Variants in CP observed in about 807,000 individuals in gnomAD.
CP encodes ceruloplasmin.
Under a neutral mutation model 122.4 loss-of-function variants are expected in CP, and 64 were observed. That is an observed-to-expected ratio of 0.52 (90% CI 0.43 to 0.64). The LOEUF (loss-of-function observed/expected upper bound fraction) is 0.64. Among genes scored for constraint, CP ranks in the 30% least tolerant of loss-of-function variants. The pLI is 0.00. For synonymous variants in CP, 440 were observed against 436.4 expected (o/e 1.01, Z -0.10); for missense variants, 1,167 against 1,284.4 (o/e 0.91, Z 1.40).
rs908931089 is a variant in CP, at chr3:149,185,288, A to C, written c.2236T>G (p.Ser746Ala). The change falls in exon 12 of 19, where the codon TCC becomes GCC. Residue 746 changes from serine to alanine, a missense_variant. This residue lies in a region of CP where 525 missense variants were observed against 657.2 expected (regional missense o/e 0.80). Coordinates refer to ENST00000264613, the MANE Select transcript of CP (RefSeq NM_000096.4). ...IAAVEVEWDYSPQREWEKELH... is the reference protein window; with the variant it reads ...IAAVEVEWDYAPQREWEKELH... ...TCCTTTTCCCACTCCCTTTGTGGGG[A>C]ATAATCCCATTCCACCTCCACTGCT... The C allele has an allele frequency of 1.1e-5, 18 of 1,613,676 alleles. No individual in the cohort carries two copies. The highest frequency in any genetic ancestry group is 1.4e-5 in the Non-Finnish European group (17 of 1,179,990).
At chr3:149,202,403 A>T (rs1159396006) in intron 6 of CP, among the ~76,000 whole-genome samples, 162 bp from the exon 7 acceptor site, 1 of 152,212 alleles carries the variant, frequency 6.6e-6, no homozygotes, top group African/African-American at 2.4e-5. Context: ...CAAAGCAGAC[A>T]GTTCCAGTCC....
chr3:149,182,340 G>A (rs1481463150), intron 13 of CP, among the ~76,000 whole-genome samples: 13 of 152,204 alleles, frequency 8.5e-5, no homozygotes, highest in Non-Finnish European at 1.6e-4. Flanking sequence ...TTCTAGGGGA[G>A]GTTTGGCCTG....
At chr3:149,190,588 G>A (rs1353727238) in intron 9 of CP, among the ~76,000 whole-genome samples, 3 of 151,190 alleles carry the variant, frequency 2.0e-5, no homozygotes, top group Non-Finnish European at 4.4e-5. Context: ...AACCCAGCAG[G>A]TGGAGGTTGC....
intron 13 of CP, among the ~76,000 whole-genome samples, chr3:149,182,995 A>G (rs751269876): frequency 7.2e-5 from 11 of 152,066 alleles, no homozygotes; most frequent in Non-Finnish European, 1.3e-4. Context: ...TACTAAAAAT[A>G]CAAAAATTAG....
At chr3:149,166,486 C>T (rs774115042) in intron 4 of CP, among the ~76,000 whole-genome samples, 11 of 152,238 alleles carry the variant, frequency 7.2e-5, no homozygotes, top group Non-Finnish European at 1.5e-4. Flanking sequence ...TAAAACTGAT[C>T]ATGTTCAGAA....
At chr3:149,198,654 T>G (rs1213522679) in intron 8 of CP, 76 bp from the exon 9 acceptor site, 1 of 1,284,960 alleles carries the variant, frequency 7.8e-7, no homozygotes, top group African/African-American at 1.5e-5. Context: ...TAGACTAAGT[T>G]TAGTCTAGAA....
intron 9 of CP, among the ~76,000 whole-genome samples, chr3:149,190,753 C>G (rs1051057060): frequency 7.9e-5 from 12 of 151,428 alleles, no homozygotes; most frequent in African/African-American, 2.9e-4. Context: ...CAGTTTCTTT[C>G]AACTCTCTAG....
At chr3:149,218,286 G>A (rs1187266071) in intron 1 of CP, among the ~76,000 whole-genome samples, 2 of 152,026 alleles carry the variant, frequency 1.3e-5, no homozygotes, top group Admixed American at 1.3e-4. Context: ...GTTTTTATAT[G>A]TATGTCATTT....
At chr3:149,196,076 C>T (rs755373208) in intron 9 of CP, among the ~76,000 whole-genome samples, 8 of 152,154 alleles carry the variant, frequency 5.3e-5, no homozygotes, top group Non-Finnish European at 1.0e-4. Context: ...CTAAAAATCT[C>T]TAGTGGGATC....
intron 9 of CP, among the ~76,000 whole-genome samples, chr3:149,195,805 G>A (rs1726861817): frequency 6.6e-6 from 1 of 151,168 alleles, no homozygotes; most frequent in Non-Finnish European, 1.5e-5. Flanking sequence ...GGTGGGGCTT[G>A]CAGTGAGCTG....
At chr3:149,218,164 T>A (rs1310306468) in intron 1 of CP, among the ~76,000 whole-genome samples, 1 of 152,166 alleles carries the variant, frequency 6.6e-6, no homozygotes, top group Non-Finnish European at 1.5e-5. Flanking sequence ...AAAAAAGTAA[T>A]CTGAAGATAA....
In CP at chr3:149,221,680, T is replaced by G. The variant is rs1444383439; in HGVS notation, c.113A>C (p.Asp38Ala). Residue 38 changes from aspartate to alanine, a missense_variant, in exon 1 of 19, where the codon GAC (aspartate) becomes GCC (alanine). Physicochemically the swap from Asp to Ala is moderately radical, Grantham distance 126. Around this residue, in one of 2 missense-constraint regions of CP, gnomAD observed 642 missense variants for 627.3 expected, o/e 1.02. Coordinates refer to ENST00000264613, the MANE Select transcript of CP (RefSeq NM_000096.4). The stretch of plus-strand genomic sequence containing the variant: ...AGAAATAAGTTTCTTTTCCCCATGG[T>G]CAGAGGCATAATCCCAAGTCGTTTC... Reference protein sequence around the residue: ...IIETTWDYASDHGEKKLISVD... With the variant: ...IIETTWDYASAHGEKKLISVD... The G allele has an allele frequency of 6.2e-7, 1 of 1,613,202 alleles. No homozygotes were observed. Among genetic ancestry groups the G allele is most frequent in the Non-Finnish European group, 8.5e-7 (1 of 1,179,720 alleles).
intron 17 of CP, 52 bp from the exon 18 acceptor site, chr3:149,176,464 T>G (rs939518588): frequency 1.5e-6 from 2 of 1,377,404 alleles, no homozygotes; most frequent in Non-Finnish European, 2.1e-6. Context: ...GAGAGTTCAC[T>G]CATGTCATTT....
intron 9 of CP, among the ~76,000 whole-genome samples, chr3:149,197,970 G>C (rs1219906661): frequency 2.0e-5 from 3 of 152,154 alleles, no homozygotes; most frequent in East Asian, 3.8e-4. Context: ...TGTGTTAAAT[G>C]ATACCATACG....
Position 149,204,619 on chromosome 3 carries a change from TC to T in CP, c.1208+1548del, listed in dbSNP as rs532738847. Among the ~76,000 whole-genome samples the T allele has an allele frequency of 3.3e-5, 5 of 152,334 alleles. No homozygotes were observed. The East Asian group carries it at 9.6e-4, about 29-fold the overall frequency. On this transcript the variant is annotated intron_variant, in intron 6 of 18. Coordinates refer to ENST00000264613, the MANE Select transcript of CP (RefSeq NM_000096.4). ...GAGTCACAGGTCTGGGCTGAGCAAG[TC>T]CTAGCTATCCATTTATTGTGTGATG...
At chr3:149,168,100 A>G (rs2108187870), downstream of CP, 1 of 686,632 alleles carries the variant, frequency 1.5e-6, no homozygotes, top group East Asian at 2.7e-5. Context: ...TTTCAGAACC[A>G]TCTGGGGAGC....
At chr3:149,192,975 C>T (rs1726640225) in intron 9 of CP, among the ~76,000 whole-genome samples, 2 of 73,164 alleles carry the variant, frequency 2.7e-5, no homozygotes, top group South Asian at 1.0e-3. Flanking sequence ...ATGTTGTGAT[C>T]CTGTATACAC....
chr3:149,179,646 G>A lies in CP; in HGVS notation c.2571C>T (p.Tyr857=), dbSNP rs151304828. 2.9e-3 allele frequency: 4,625 copies of A among 1,603,502 alleles called. 11 individuals carry two copies. Among genetic ancestry groups the A allele is most frequent in the Non-Finnish European group, 3.6e-3 (4,260 of 1,173,450 alleles). ...TPTLPGETLT[Y]VWKIPERSGA... Reference sequence around the variant, plus strand: ...CAGATCTTTCTGGGATTTTCCATACGTAAGTGAGAGTTTCACCTAAATTCA... The same window carrying A: ...CAGATCTTTCTGGGATTTTCCATACATAAGTGAGAGTTTCACCTAAATTCA... The change falls in exon 15 of 19, where the codon TAC becomes TAT. Residue 857 remains tyrosine (Y), a synonymous_variant. Transcript: ENST00000264613.
At chr3:149,199,324 C>T (rs948064306) in intron 8 of CP, among the ~76,000 whole-genome samples, 4 of 151,902 alleles carry the variant, frequency 2.6e-5, no homozygotes, top group Admixed American at 6.6e-5. Context: ...AATATAAGAG[C>T]GATTGCTTAT....
Sources: allele counts gnomAD v4.1 joint callset (sites outside exome capture counted in the v4.1 genomes callset), GRCh38; gene constraint gnomAD v4.1.1; regional missense constraint gnomAD v4.1.1; transcripts MANE v1.5; gene names NCBI Gene and HGNC (gene_info 2026-07-23, HGNC 2026-07-21).